Variants in STARD13 observed in about 807,000 individuals in gnomAD.
The protein encoded by STARD13 is stAR-related lipid transfer protein 13.
A neutral mutation model predicts 106.4 loss-of-function variants in STARD13; 62 were observed. The ratio of observed to expected loss-of-function variants is 0.58; its 90% confidence interval spans 0.48 to 0.72. The LOEUF (loss-of-function observed/expected upper bound fraction) is 0.72. Among genes scored for constraint, STARD13 ranks in the 30% least tolerant of loss-of-function variants. The pLI, the probability that STARD13 is intolerant of heterozygous loss-of-function variation, is 0.00. For synonymous variants in STARD13, 565 were observed against 553.0 expected, an observed-to-expected ratio of 1.02 and a Z score of -0.31; for missense variants, 1,387 against 1,424.0, an observed-to-expected ratio of 0.97 and a Z score of 0.42.
At chr13:33,180,867 C>T (rs998552379) in intron 1 of STARD13, among the ~76,000 whole-genome samples, 14 of 152,050 alleles carry the variant, frequency 9.2e-5, no homozygotes, top group Non-Finnish European at 1.6e-4. Context: ...TTTAGAAATC[C>T]GTCCTTGAAA....
intron 1 of STARD13, chr13:33,180,648 C>T (rs192326684): frequency 7.2e-5 from 11 of 152,242 alleles, no homozygotes; most frequent in Admixed American, 5.9e-4. Flanking sequence ...AGGTCGGCTT[C>T]CTAAGGTCAT....
the STARD13 span, among the ~76,000 whole-genome samples, chr13:33,380,161 G>A: frequency 3.3e-5 from 5 of 152,066 alleles, no homozygotes; most frequent in Admixed American, 6.6e-5. Context: ...TGAGGTGGGC[G>A]GATCACCTGA....
the STARD13 span, among the ~76,000 whole-genome samples, chr13:33,468,393 A>T: frequency 2.0e-5 from 3 of 152,168 alleles, no homozygotes; most frequent in African/African-American, 7.2e-5. Context: ...CCCAAGGTTC[A>T]TGTGTCAGTC....
intron 12 of STARD13, among the ~76,000 whole-genome samples, chr13:33,109,496 G>A (rs535533357): frequency 1.1e-4 from 17 of 152,262 alleles, no homozygotes; most frequent in Non-Finnish European, 2.2e-4. Context: ...ACTTTCCCAG[G>A]GGAGAAAAAC....
the STARD13 span, among the ~76,000 whole-genome samples, chr13:33,377,515 A>G: frequency 1.3e-5 from 2 of 152,178 alleles, no homozygotes; most frequent in African/African-American, 2.4e-5. Flanking sequence ...TCTTTGCATG[A>G]TGACAGAAAA....
At chr13:33,442,537 A>T in the STARD13 span, among the ~76,000 whole-genome samples, 43 of 152,356 alleles carry the variant, frequency 2.8e-4, no homozygotes, top group African/African-American at 9.1e-4. Context: ...GAATTTGATG[A>T]ATATATGAAT....
intron 1 of STARD13, among the ~76,000 whole-genome samples, chr13:33,201,757 A>G (rs2138096462): frequency 6.6e-6 from 1 of 152,280 alleles, no homozygotes; most frequent in South Asian, 2.1e-4. Flanking sequence ...ATTTAAACAG[A>G]AGGGAGAGTA....
the STARD13 span, among the ~76,000 whole-genome samples, chr13:33,386,536 A>G: frequency 6.6e-6 from 1 of 152,086 alleles, no homozygotes; most frequent in East Asian, 1.9e-4. Flanking sequence ...AGGTCCCAAC[A>G]GGCAATTCTC....
upstream of STARD13, chr13:33,350,639 C>T (rs1415719227): frequency 3.7e-6 from 5 of 1,334,430 alleles, no homozygotes; most frequent in Non-Finnish European, 3.8e-6. Context: ...TTAACCTCTG[C>T]GCTCGCCAAC....
the STARD13 span, among the ~76,000 whole-genome samples, chr13:33,358,516 G>A: frequency 6.6e-6 from 1 of 152,112 alleles, no homozygotes; most frequent in Admixed American, 6.5e-5. Flanking sequence ...AGCACCCTGT[G>A]TTTAGCTCAA....
chr13:33,647,079 T>G, the STARD13 span, among the ~76,000 whole-genome samples: 1 of 152,274 alleles, frequency 6.6e-6, no homozygotes, highest in South Asian at 2.1e-4. Flanking sequence ...TTCCAACAAT[T>G]AACTTAAAAT....
the STARD13 span, among the ~76,000 whole-genome samples, chr13:33,515,969 A>G: frequency 3.5e-3 from 539 of 152,112 alleles, 5 homozygotes; most frequent in South Asian, 0.013. Context: ...CTGATAGCTT[A>G]TCTCCACAGT....
At chr13:33,225,105 G>A (rs902315145) in intron 1 of STARD13, among the ~76,000 whole-genome samples, 8 of 151,812 alleles carry the variant, frequency 5.3e-5, no homozygotes, top group Non-Finnish European at 7.4e-5. Flanking sequence ...CTTTCTAAAC[G>A]GAATATACAT....
chr13:33,302,703 G>A (rs1047451335), intron 1 of STARD13, among the ~76,000 whole-genome samples: 1 of 152,134 alleles, frequency 6.6e-6, no homozygotes, highest in Non-Finnish European at 1.5e-5. Flanking sequence ...TGCTGTGCCT[G>A]GCTTTATCTC....
chr13:33,182,085 T>A (rs1028277769), intron 1 of STARD13, among the ~76,000 whole-genome samples: 1 of 152,232 alleles, frequency 6.6e-6, no homozygotes, highest in African/African-American at 2.4e-5. Context: ...TTCATGTAGT[T>A]GTGAACATGC....
chr13:33,412,025 C>T, the STARD13 span, among the ~76,000 whole-genome samples: 1 of 151,902 alleles, frequency 6.6e-6, no homozygotes, highest in South Asian at 2.1e-4. Flanking sequence ...TCATGTTAAC[C>T]AAAAATATGG....
chr13:33,546,715 C>T, the STARD13 span, among the ~76,000 whole-genome samples: 3 of 151,938 alleles, frequency 2.0e-5, no homozygotes, highest in East Asian at 5.8e-4. Flanking sequence ...TCAGTCTCCA[C>T]TTACTGCAAC....
At chr13:33,635,984 A>C in the STARD13 span, among the ~76,000 whole-genome samples, 64 of 151,892 alleles carry the variant, frequency 4.2e-4, no homozygotes, top group African/African-American at 1.4e-3. Flanking sequence ...ACTCCATCTC[A>C]AAAAAACATT....
At position 33,129,123 on chromosome 13, in the gene STARD13, A is replaced by C. The variant is rs369040527; in HGVS notation, c.1554T>G (p.Val518=). Reference sequence around the variant, plus strand: ...GAAAGGTGGATAAGCCAGGTTCCCCAACCAATGTATCATGAGTTTGCAGTT... The same window carrying C: ...GAAAGGTGGATAAGCCAGGTTCCCCCACCAATGTATCATGAGTTTGCAGTT... ...LPELQTHDTL[V]GEPGLSTFPS... Residue 518 remains valine (V), a synonymous_variant, in exon 5 of 14, where the codon GTT becomes GTG. Transcript: ENST00000336934. 4 of 1,614,066 alleles carry C rather than the reference A, an allele frequency of 2.5e-6. No individual in the cohort carries two copies. The African/African-American group carries it at 4.0e-5, about 16-fold the overall frequency.
Sources: gnomAD v4.1 joint callset for allele counts (sites outside exome capture counted in the v4.1 genomes callset) on GRCh38, gnomAD v4.1.1 for gene constraint, MANE v1.5 for transcripts, NCBI Gene and HGNC (gene_info 2026-07-23, HGNC 2026-07-21) for gene names.